Variants in KCNG3 observed in about 807,000 individuals in gnomAD.
KCNG3 encodes the protein voltage-gated potassium channel regulatory subunit KCNG3.
KCNG3 carries 15 observed loss-of-function variants against 29.0 expected under a neutral mutation model. The ratio of observed to expected loss-of-function variants is 0.52; its 90% CI spans 0.35 to 0.80. The LOEUF (loss-of-function observed/expected upper bound fraction) is 0.80, where lower values mean the gene tolerates loss of function less well. Among genes scored for constraint, KCNG3 ranks in the 30% least tolerant of loss-of-function variants. The pLI is 0.01. For missense variants in KCNG3, 512 were observed against 605.7 expected, an observed-to-expected ratio of 0.85 and a Z score of 1.62; for synonymous variants, 322 against 248.9, an observed-to-expected ratio of 1.29 and a Z score of -2.76.
chr2:42,418,526 T>C, the KCNG3 span, among the ~76,000 whole-genome samples: 8 of 152,342 alleles, frequency 5.3e-5, no homozygotes, highest in African/African-American at 1.7e-4. Flanking sequence ...TATATTTCTT[T>C]ATTATTTAAA....
At chr2:42,397,019 G>C in the KCNG3 span, among the ~76,000 whole-genome samples, 3 of 152,122 alleles carry the variant, frequency 2.0e-5, no homozygotes, top group African/African-American at 7.2e-5. Flanking sequence ...AGCACTTTGG[G>C]AGGCCAAAGT....
intron 1 of KCNG3, among the ~76,000 whole-genome samples, chr2:42,455,878 G>T (rs1672863493): frequency 6.6e-6 from 1 of 150,572 alleles, no homozygotes; most frequent in Non-Finnish European, 1.5e-5. Context: ...ACAAGCAATA[G>T]GCCAACACAG....
Position 42,444,532 on chromosome 2 carries a change from ACGATGCACT to A in KCNG3, c.704_712del (p.Glu235_Ile237del). 2 of 1,614,204 alleles carry A rather than the reference ACGATGCACT, an allele frequency of 1.2e-6. No homozygotes were observed. The highest frequency in any genetic ancestry group is 1.7e-6 in the Non-Finnish European group (2 of 1,180,028). On this transcript the variant is annotated inframe_deletion, in exon 2 of 2. Transcript: ENST00000306078. This position sits in a 1 kb window ranked among gnomAD's most constrained non-coding sequence, Gnocchi z 5.8. The stretch of plus-strand genomic sequence containing the variant: ...CTTGTTTTTGGAGACAATGAACCTC[ACGATGCACT>A]CGGCAGTGAACCAACCTATGCAGAT...
chr2:42,489,866 A>G (rs1673828477), intron 1 of KCNG3, among the ~76,000 whole-genome samples: 2 of 152,134 alleles, frequency 1.3e-5, no homozygotes, highest in Non-Finnish European at 2.9e-5. Context: ...GGTATTTTCC[A>G]GAGTTGTCAT....
chr2:42,420,998 C>T, the KCNG3 span, among the ~76,000 whole-genome samples: 2 of 152,182 alleles, frequency 1.3e-5, no homozygotes, highest in Admixed American at 6.5e-5. Context: ...AAAAGGGCAG[C>T]TTTATGAGTA....
At chr2:42,471,038 G>C (rs1316374728) in intron 1 of KCNG3, among the ~76,000 whole-genome samples, 1 of 152,014 alleles carries the variant, frequency 6.6e-6, no homozygotes, top group East Asian at 1.9e-4. Flanking sequence ...TGTAGCACCA[G>C]CTACTTGGAA....
At chr2:42,453,257 T>C (rs1672807170) in intron 1 of KCNG3, among the ~76,000 whole-genome samples, 1 of 152,180 alleles carries the variant, frequency 6.6e-6, no homozygotes, top group South Asian at 2.1e-4. Flanking sequence ...CTATTTTCAG[T>C]TTTTTAAGGA....
the KCNG3 span, among the ~76,000 whole-genome samples, chr2:42,391,664 G>A: frequency 6.4e-5 from 9 of 140,472 alleles, no homozygotes; most frequent in African/African-American, 2.4e-4. Flanking sequence ...GTGCAGTGGC[G>A]GGATCTCGGC....
chr2:42,470,405 C>T (rs1673258147), intron 1 of KCNG3: 1 of 209,622 alleles, frequency 4.8e-6, no homozygotes, highest in Admixed American at 6.2e-5. Flanking sequence ...GGCATTGTAG[C>T]TCACGCCTGT....
the KCNG3 span, among the ~76,000 whole-genome samples, chr2:42,407,631 G>C: frequency 6.6e-6 from 1 of 152,156 alleles, no homozygotes; most frequent in Non-Finnish European, 1.5e-5. Context: ...AGGGAGCCCC[G>C]CTTGGGGGGC....
the KCNG3 span, among the ~76,000 whole-genome samples, chr2:42,408,048 A>G: frequency 2.6e-5 from 4 of 152,244 alleles, no homozygotes; most frequent in Non-Finnish European, 5.9e-5. Flanking sequence ...AGGTGTGCAC[A>G]GGCTCAGGGC....
chr2:42,468,827 C>T (rs1385997569), intron 1 of KCNG3, among the ~76,000 whole-genome samples: 1 of 151,534 alleles, frequency 6.6e-6, no homozygotes, highest in Non-Finnish European at 1.5e-5. Flanking sequence ...TGGTGGCAGG[C>T]ACCTGTAATC....
intron 1 of KCNG3, among the ~76,000 whole-genome samples, chr2:42,452,150 T>C (rs1161129946): frequency 1.3e-5 from 2 of 150,208 alleles, no homozygotes; most frequent in Non-Finnish European, 3.0e-5. Context: ...TATATATTTA[T>C]GGGTTACATA....
chr2:42,447,296 A>G (rs1672624952), intron 1 of KCNG3, among the ~76,000 whole-genome samples: 1 of 150,242 alleles, frequency 6.7e-6, no homozygotes, highest in African/African-American at 2.4e-5. Flanking sequence ...ACAGATACAT[A>G]CATACACACA....
At chr2:42,480,574 C>T (rs190055379) in intron 1 of KCNG3, among the ~76,000 whole-genome samples, 153 of 152,168 alleles carry the variant, frequency 1.0e-3, no homozygotes, top group African/African-American at 3.7e-3. Context: ...TCCAATAAAA[C>T]TTTATTTATG....
intron 1 of KCNG3, among the ~76,000 whole-genome samples, chr2:42,484,434 C>T (rs906333046): frequency 6.6e-6 from 1 of 152,044 alleles, no homozygotes; most frequent in African/African-American, 2.4e-5. Flanking sequence ...TGCACTCCAG[C>T]CTGGCAACAG....
chr2:42,466,031 T>C (rs1414263687), intron 1 of KCNG3, among the ~76,000 whole-genome samples: 1 of 152,218 alleles, frequency 6.6e-6, no homozygotes, highest in Non-Finnish European at 1.5e-5. Flanking sequence ...CTGTCAACAA[T>C]GGATCGTATA....
intron 1 of KCNG3, among the ~76,000 whole-genome samples, chr2:42,486,872 T>A (rs1673737739): frequency 6.6e-6 from 1 of 152,066 alleles, no homozygotes; most frequent in Non-Finnish European, 1.5e-5. Context: ...GAATTCACAA[T>A]TATTGGTCTG....
the KCNG3 span, among the ~76,000 whole-genome samples, chr2:42,391,848 C>T: frequency 3.3e-5 from 5 of 151,616 alleles, no homozygotes; most frequent in South Asian, 2.1e-4. Flanking sequence ...GTGATCCGCC[C>T]GCCTCGGCCT....
Sources: gnomAD v4.1 joint callset for allele counts (sites outside exome capture counted in the v4.1 genomes callset) on GRCh38, gnomAD v4.1.1 for gene constraint, Gnocchi (gnomAD v3.1) non-coding constraint, MANE v1.5 for transcripts, NCBI Gene and HGNC (gene_info 2026-07-23, HGNC 2026-07-21) for gene names.